Variants in PTPRM observed in about 807,000 individuals in gnomAD.
PTPRM encodes receptor-type tyrosine-protein phosphatase mu.
PTPRM carries 47 observed loss-of-function variants against 186.7 expected under a neutral mutation model. The observed-to-expected ratio is 0.25, with a 90% CI of 0.20 to 0.32. The LOEUF (loss-of-function observed/expected upper bound fraction) is 0.32. Among genes scored for constraint, PTPRM ranks in the 10% least tolerant of loss-of-function variants. The probability of loss-of-function intolerance (pLI) is 1.00; values close to 1 mark genes in which losing one functional copy is unlikely to be tolerated. For missense variants in PTPRM, 1,494 were observed against 1,865.0 expected (o/e 0.80, Z 3.66); for synonymous variants, 668 against 674.9 (o/e 0.99, Z 0.16).
At chr18:8,219,264 G>A (rs2377739) in intron 14 of PTPRM, among the ~76,000 whole-genome samples, 83,914 of 152,030 alleles carry the variant, frequency 0.55, 23,782 homozygotes, top group East Asian at 0.77. Flanking sequence ...TCAGGCGATC[G>A]AGACCATCCT....
intron 1 of PTPRM, among the ~76,000 whole-genome samples, chr18:7,593,289 A>G (rs2037172656): frequency 6.6e-6 from 1 of 152,180 alleles, no homozygotes; most frequent in Admixed American, 6.5e-5. Flanking sequence ...TATTGCTTCC[A>G]GGGTTTTTTG....
intron 1 of PTPRM, among the ~76,000 whole-genome samples, chr18:7,725,820 G>A (rs545715715): frequency 2.0e-5 from 3 of 152,192 alleles, no homozygotes; most frequent in South Asian, 2.1e-4. Context: ...TCTTCAGTTC[G>A]TTCGTGTGAC....
At chr18:7,754,492 C>T (rs930554105) in intron 1 of PTPRM, among the ~76,000 whole-genome samples, 3 of 152,162 alleles carry the variant, frequency 2.0e-5, no homozygotes, top group Non-Finnish European at 4.4e-5. Context: ...TTCTAGCTCC[C>T]AAGATGTTCC....
intron 19 of PTPRM, among the ~76,000 whole-genome samples, chr18:8,294,020 G>A (rs1344596487): frequency 6.6e-6 from 1 of 152,138 alleles, no homozygotes; most frequent in East Asian, 1.9e-4. Flanking sequence ...GAATCCCAAG[G>A]CAGGTGAATC....
At chr18:7,943,543 T>C (rs1363846617) in intron 5 of PTPRM, among the ~76,000 whole-genome samples, 2 of 152,212 alleles carry the variant, frequency 1.3e-5, no homozygotes, top group African/African-American at 4.8e-5. Context: ...CTATTGCTGC[T>C]GTAACAAATT....
intron 1 of PTPRM, among the ~76,000 whole-genome samples, chr18:7,573,598 GT>G (rs556971057): frequency 2.0e-5 from 3 of 151,134 alleles, no homozygotes; most frequent in Middle Eastern, 3.4e-3. Flanking sequence ...GTTTTGTTTT[GT>G]TTTTTTTGAG....
intron 11 of PTPRM, among the ~76,000 whole-genome samples, chr18:8,110,960 T>TC (rs894582243): frequency 6.6e-6 from 1 of 152,188 alleles, no homozygotes; most frequent in African/African-American, 2.4e-5. Context: ...ATCAGTGCCT[T>TC]CACTGGACCT....
At chr18:7,705,753 C>A (rs1183704462) in intron 1 of PTPRM, among the ~76,000 whole-genome samples, 1 of 150,940 alleles carries the variant, frequency 6.6e-6, no homozygotes, top group African/African-American at 2.4e-5. Flanking sequence ...GAGATGAGGT[C>A]TTGATATGTT....
chr18:7,804,803 G>A (rs1427276080), intron 2 of PTPRM, among the ~76,000 whole-genome samples: 1 of 152,136 alleles, frequency 6.6e-6, no homozygotes, highest in South Asian at 2.1e-4. Context: ...TTCAGTCTTT[G>A]TCAGCAGATT....
chr18:7,927,013 TTCTC>T (rs10616157), intron 5 of PTPRM, among the ~76,000 whole-genome samples: 33 of 150,098 alleles, frequency 2.2e-4, no homozygotes, highest in African/African-American at 2.9e-4. Flanking sequence ...AAGAGTCTCT[TTCTC>T]TCTCTCTCTC....
intron 1 of PTPRM, among the ~76,000 whole-genome samples, chr18:7,757,796 G>T (rs1408015802): frequency 1.3e-5 from 2 of 152,156 alleles, no homozygotes; most frequent in African/African-American, 4.8e-5. Flanking sequence ...TGTCCAGAAG[G>T]GGGTCTGAGC....
intron 14 of PTPRM, among the ~76,000 whole-genome samples, chr18:8,159,871 A>G (rs1433069152): frequency 6.6e-6 from 1 of 152,106 alleles, no homozygotes; most frequent in African/African-American, 2.4e-5. Flanking sequence ...TAAAAAAAAA[A>G]TTTCAGGGAT....
Position 8,072,273 on chromosome 18 carries a change from T to C in PTPRM, c.1441+2279T>C, listed in dbSNP as rs117678308. Among the ~76,000 whole-genome samples the C allele has an allele frequency of 4.9e-3, 741 of 152,298 alleles. 5 individuals are homozygous for C. The highest frequency in any genetic ancestry group is 8.0e-3 in the Non-Finnish European group (547 of 68,020). ...AATAAAATGCAGTCACTTCCAGATA[T>C]ATATTGCTAAAGCATGAACCTATTG... On this transcript the variant is annotated intron_variant, in intron 8 of 32. Transcript: ENST00000580170.
Position 8,362,762 on chromosome 18 carries a change from ATTTACT to A in PTPRM, c.3055-8126_3055-8121del, listed in dbSNP as rs143684000. Among the ~76,000 whole-genome samples the A allele has an allele frequency of 8.9e-4, 135 of 152,322 alleles. 3 individuals carry two copies. In the East Asian group the frequency reaches 0.024, roughly 28 times the overall value. The stretch of plus-strand genomic sequence containing the variant: ...TTTCATTTTTAAAATTTTAATGAAC[ATTTACT>A]TGTGCTGAGCATGTTCTAGGTGCTT... On this transcript the variant is annotated intron_variant, in intron 23 of 32. Coordinates refer to ENST00000580170, the MANE Select transcript of PTPRM (RefSeq NM_001105244.2).
chr18:7,875,898 GCA>G (rs2048217641), intron 2 of PTPRM, among the ~76,000 whole-genome samples: 1 of 152,122 alleles, frequency 6.6e-6, no homozygotes, highest in African/African-American at 2.4e-5. Flanking sequence ...AGAGCCTACA[GCA>G]CACCTAGGCT....
chr18:8,119,834 C>G (rs577468813), intron 13 of PTPRM, among the ~76,000 whole-genome samples: 2 of 152,038 alleles, frequency 1.3e-5, no homozygotes, highest in Non-Finnish European at 2.9e-5. Flanking sequence ...TTTATCAGCA[C>G]CAGATATTGT....
At chr18:8,389,463 G>A (rs915300215) in intron 31 of PTPRM, among the ~76,000 whole-genome samples, 2 of 152,186 alleles carry the variant, frequency 1.3e-5, no homozygotes, top group African/African-American at 4.8e-5. Flanking sequence ...GCAATCAGCC[G>A]TTCTTCACAG....
chr18:7,906,233 C>T (rs1048094572), intron 3 of PTPRM, among the ~76,000 whole-genome samples: 1 of 152,152 alleles, frequency 6.6e-6, no homozygotes, highest in Non-Finnish European at 1.5e-5. Flanking sequence ...TGTGTCATCC[C>T]CCGCAACCCC....
chr18:8,045,355 C>A (rs1256439146), intron 7 of PTPRM, among the ~76,000 whole-genome samples: 2 of 152,094 alleles, frequency 1.3e-5, no homozygotes, highest in African/African-American at 4.8e-5. Flanking sequence ...CAAAACAAAA[C>A]TTAAACACGA....
Sources: gnomAD v4.1 joint callset for allele counts (sites outside exome capture counted in the v4.1 genomes callset) on GRCh38, gnomAD v4.1.1 for gene constraint, MANE v1.5 for transcripts, NCBI Gene and HGNC (gene_info 2026-07-23, HGNC 2026-07-21) for gene names.